The following SCML4 variants were observed in gnomAD, a reference collection of about 807,000 sequenced individuals.
The protein encoded by SCML4 is sex comb on midleg-like protein 4.
Under a neutral mutation model 41.1 loss-of-function variants are expected in SCML4, and 34 were observed. The observed-to-expected ratio is 0.83, with a 90% CI of 0.63 to 1.10. The LOEUF (loss-of-function observed/expected upper bound fraction) is 1.10. Ranked by LOEUF, SCML4 falls within the 50% of genes least tolerant of loss-of-function variation. SCML4 has a pLI of 0.00. For missense variants in SCML4, 522 were observed against 534.1 expected (o/e 0.98, Z 0.22); for synonymous variants, 214 against 220.9 (o/e 0.97, Z 0.28).
At chr6:107,834,050 G>A in the SCML4 span, among the ~76,000 whole-genome samples, 18 of 152,192 alleles carry the variant, frequency 1.2e-4, no homozygotes, top group Admixed American at 1.2e-3. Context: ...GGGAATAAAA[G>A]CAACAAAATT....
chr6:107,744,284 T>C (rs74968182), intron 5 of SCML4, among the ~76,000 whole-genome samples: 2,805 of 152,324 alleles, frequency 0.018, 69 homozygotes, highest in African/African-American at 0.064. Flanking sequence ...GTGTCATGTA[T>C]GCCTGTGTGG....
At chr6:107,738,041 G>A (rs1200127307) in intron 5 of SCML4, among the ~76,000 whole-genome samples, 1 of 152,140 alleles carries the variant, frequency 6.6e-6, no homozygotes, top group Non-Finnish European at 1.5e-5. Flanking sequence ...AGAAGCACTG[G>A]CTAAAGCATA....
At chr6:107,721,982 C>CT (rs10649065) in intron 5 of SCML4, among the ~76,000 whole-genome samples, 4,634 of 135,924 alleles carry the variant, frequency 0.034, 223 homozygotes, top group East Asian at 0.095. Flanking sequence ...ACTTATCATA[C>CT]TTTTTTTTTT....
At position 107,791,332 on chromosome 6, in the gene SCML4, G is replaced by A. The variant is rs556672018; in HGVS notation, c.-59-18946C>T. 1.2e-4 allele frequency among the ~76,000 whole-genome samples: 19 copies of A among 152,270 alleles called. No individual in the cohort carries two copies. The East Asian group carries it at 3.1e-3, about 25-fold the overall frequency. ...CATGCTAAGAAATTGGTCTGCAGGA[G>A]GGGTAGAGATAGTGACGGCAGCTCA... On this transcript the variant is annotated intron_variant, in intron 1 of 7. Transcript: ENST00000369020.
intron 5 of SCML4, among the ~76,000 whole-genome samples, chr6:107,725,781 A>T (rs1405561385): frequency 6.6e-6 from 1 of 152,228 alleles, no homozygotes; most frequent in Non-Finnish European, 1.5e-5. Context: ...CATCAAAATT[A>T]AAAACTTTTG....
chr6:107,729,202 T>C (rs558053798), intron 5 of SCML4, among the ~76,000 whole-genome samples: 63 of 152,326 alleles, frequency 4.1e-4, no homozygotes, highest in African/African-American at 1.5e-3. Context: ...TATTCTGCCA[T>C]AGTTCTGGAG....
chr6:107,803,025 C>CGGA (rs1783344662), intron 1 of SCML4, among the ~76,000 whole-genome samples: 2 of 151,904 alleles, frequency 1.3e-5, no homozygotes, highest in South Asian at 4.1e-4. Flanking sequence ...GGATGGCAGA[C>CGGA]GGAGTCGCGT....
intron 5 of SCML4, among the ~76,000 whole-genome samples, chr6:107,736,374 C>T (rs574790838): frequency 6.4e-4 from 98 of 152,270 alleles, no homozygotes; most frequent in African/African-American, 2.1e-3. Context: ...GCACACCCCA[C>T]GCAGCCAGTG....
At chr6:107,838,962 AC>A in the SCML4 span, among the ~76,000 whole-genome samples, 112,431 of 151,872 alleles carry the variant, frequency 0.74, 42,741 homozygotes, top group East Asian at 0.94. Context: ...TATGTCCACA[AC>A]AAAAAATCGT....
intron 1 of SCML4, among the ~76,000 whole-genome samples, chr6:107,817,623 AAAAAAAAAAAAAG>A (rs1280420088): frequency 3.1e-5 from 3 of 97,438 alleles, no homozygotes; most frequent in Non-Finnish European, 6.0e-5. Context: ...TTCATCTCAA[AAAAAAAAAAAAAG>A]AAAAAAAAAA....
chr6:107,822,125 T>A (rs193242100), intron 1 of SCML4, among the ~76,000 whole-genome samples: 1 of 150,698 alleles, frequency 6.6e-6, no homozygotes, highest in Admixed American at 6.6e-5. Context: ...TTTCAAATTT[T>A]AAAAATTAAA....
At chr6:107,705,795 G>A (rs977277734) in intron 7 of SCML4, among the ~76,000 whole-genome samples, 2 of 152,100 alleles carry the variant, frequency 1.3e-5, no homozygotes, top group Non-Finnish European at 1.5e-5. Flanking sequence ...TCCACCTATG[G>A]AAGATTTCAG....
chr6:107,818,045 G>T (rs1371696841), intron 1 of SCML4, among the ~76,000 whole-genome samples: 1 of 152,168 alleles, frequency 6.6e-6, no homozygotes, highest in African/African-American at 2.4e-5. Context: ...TTTTCACACC[G>T]TGGATGGTGA....
Position 107,702,654 on chromosome 6 carries a change from A to G in SCML4, c.*2546T>C, listed in dbSNP as rs1281203370. Reference sequence around the variant, plus strand: ...CCCATGGCTGTTTTGAGGGAAATGTATCTAACTCTAAACCAGCAGTGAGCA... The same window carrying G: ...CCCATGGCTGTTTTGAGGGAAATGTGTCTAACTCTAAACCAGCAGTGAGCA... On this transcript the variant is annotated 3_prime_UTR_variant, in exon 8 of 8. Coordinates refer to ENST00000369020, the MANE Select transcript of SCML4 (RefSeq NM_198081.5). 6.6e-6 allele frequency among the ~76,000 whole-genome samples: 1 copy of G among 152,204 alleles called. No individual in the cohort carries two copies. Among genetic ancestry groups the G allele is most frequent in the Non-Finnish European group, 1.5e-5 (1 of 68,032 alleles).
At chr6:107,777,150 G>C (rs1781018221) in intron 1 of SCML4, among the ~76,000 whole-genome samples, 2 of 152,114 alleles carry the variant, frequency 1.3e-5, no homozygotes, top group Non-Finnish European at 2.9e-5. Context: ...ATGGAGTCTT[G>C]CTGTGTTGCC....
rs879627717 is a variant in SCML4, at chr6:107,703,020, G to A, written c.*2180C>T. ...ACGAGAGTGACCTCTGGTTGTCCTC[G>A]CTGCTATACTACCACCAGTGCCATG... On this transcript the variant is annotated 3_prime_UTR_variant, in exon 8 of 8. Transcript: ENST00000369020. Among the ~76,000 whole-genome samples, 3 of 152,142 alleles carry A rather than the reference G, an allele frequency of 2.0e-5. No homozygotes were observed. The highest frequency in any genetic ancestry group is 4.4e-5 in the Non-Finnish European group (3 of 68,024).
intron 1 of SCML4, among the ~76,000 whole-genome samples, chr6:107,793,954 A>C (rs1782528400): frequency 6.6e-6 from 1 of 152,158 alleles, no homozygotes; most frequent in Non-Finnish European, 1.5e-5. Flanking sequence ...ACAAAACTAA[A>C]CTAAACTAAA....
intron 2 of SCML4, among the ~76,000 whole-genome samples, chr6:107,764,367 A>T (rs1283827189): frequency 6.6e-6 from 1 of 152,228 alleles, no homozygotes. Context: ...AAAATTACCC[A>T]AATAAAATAG....
At chr6:107,831,850 G>A in the SCML4 span, among the ~76,000 whole-genome samples, 5 of 152,064 alleles carry the variant, frequency 3.3e-5, no homozygotes, top group Admixed American at 6.6e-5. Flanking sequence ...TCAGGAGATC[G>A]AGACCATCCT....
Sources: gnomAD v4.1 joint callset for allele counts (sites outside exome capture counted in the v4.1 genomes callset) on GRCh38, gnomAD v4.1.1 for gene constraint, MANE v1.5 for transcripts, NCBI Gene and HGNC (gene_info 2026-07-23, HGNC 2026-07-21) for gene names.